The following SCNN1A variants were observed in gnomAD, a reference collection of about 807,000 sequenced individuals.
SCNN1A encodes sodium channel epithelial 1 subunit alpha.
A neutral mutation model predicts 68.6 loss-of-function variants in SCNN1A; 65 were observed. That is an observed-to-expected ratio of 0.95 (90% CI 0.78 to 1.16). SCNN1A has a LOEUF of 1.16. SCNN1A is among the 50% of genes most tolerant of loss of function. SCNN1A has a pLI of 0.00. For missense variants in SCNN1A, 880 were observed against 865.9 expected, an observed-to-expected ratio of 1.02 and a Z score of -0.20; for synonymous variants, 357 against 353.3, an observed-to-expected ratio of 1.01 and a Z score of -0.12.
At chr12:6,348,370 C>A in intron 12 of SCNN1A, 117 bp from the exon 13 acceptor site, 1 of 1,549,520 alleles carries the variant, frequency 6.5e-7, no homozygotes, top group Non-Finnish European at 8.7e-7. Context: ...ACCCCCGAGT[C>A]CTCTCAGCCT....
chr12:6,348,944 A>T lies in SCNN1A; in HGVS notation c.1553+6T>A, dbSNP rs1312253474. The T allele has an allele frequency of 6.2e-7, 1 of 1,613,888 alleles. No homozygotes were observed. Among genetic ancestry groups the T allele is most frequent in the South Asian group, 1.1e-5 (1 of 91,074 alleles). ...TTCTTGTGGCTGGGACCAGGGCAGG[A>T]CTGACCTCTTGTTGTTGACGGTGTA... On this transcript the variant is annotated splice_donor_region_variant and intron_variant, in intron 11 of 12. Transcript: ENST00000228916.
chr12:6,361,956 A>G, intron 4 of SCNN1A, 95 bp downstream of exon 4: 1 of 1,390,580 alleles, frequency 7.2e-7, no homozygotes, highest in South Asian at 1.2e-5. Flanking sequence ...TTTTTAGTCA[A>G]CAAGCATTTC....
chr12:6,353,458 T>A (rs1252772293), intron 8 of SCNN1A, among the ~76,000 whole-genome samples: 2 of 152,114 alleles, frequency 1.3e-5, no homozygotes, highest in African/African-American at 4.8e-5. Context: ...CCCTGGGCAC[T>A]GAGCAGGGAA....
chr12:6,374,956 C>T lies in SCNN1A; in HGVS notation c.-54-119G>A, dbSNP rs762536459. The T allele has an allele frequency of 5.1e-6, 8 of 1,571,656 alleles. No homozygotes were observed. The highest frequency in any genetic ancestry group is 6.9e-6 in the Non-Finnish European group (8 of 1,157,928). ...CCGAGTGAGGCTGCCCCTGGCCATG[C>T]CCATGTCCCACCCTGCGCCCACATT... On this transcript the variant is annotated intron_variant, in intron 1 of 12. Coordinates refer to ENST00000228916, the MANE Select transcript of SCNN1A (RefSeq NM_001038.6). The surrounding 1 kb of genome is among the most constrained non-coding windows in gnomAD (Gnocchi z 6.2).
intron 1 of SCNN1A, chr12:6,375,218 T>G (rs1248891331): frequency 3.5e-6 from 5 of 1,441,538 alleles, no homozygotes; most frequent in African/African-American, 1.4e-5. Flanking sequence ...CTATCTGCCT[T>G]CTGTTTCTCT....
At chr12:6,367,243 A>C (rs750406033) in intron 2 of SCNN1A, among the ~76,000 whole-genome samples, 1 of 152,232 alleles carries the variant, frequency 6.6e-6, no homozygotes, top group African/African-American at 2.4e-5. Flanking sequence ...GTCTTAAAAA[A>C]ATAAAAAAGA....
chr12:6,370,353 C>T (rs1017624959), intron 2 of SCNN1A, among the ~76,000 whole-genome samples: 35 of 152,218 alleles, frequency 2.3e-4, no homozygotes. Flanking sequence ...GCAGCAAAAT[C>T]TCCTTTCCCT....
chr12:6,363,651 A>G lies in SCNN1A; in HGVS notation c.476T>C (p.Phe159Ser). The change falls in exon 3 of 13, where the codon TTT (phenylalanine) becomes TCT (serine). Residue 159 changes from phenylalanine to serine, a missense_variant. Physicochemically the swap from Phe to Ser is radical, Grantham distance 155 (BLOSUM62 -2). Around this residue, in one of 3 missense-constraint regions of SCNN1A, gnomAD observed 758 missense variants for 721.8 expected, o/e 1.05. Transcript: ENST00000228916. ...GAAGGAGCTGTATTTGTACAGGTCA[A>G]AGAGCGTCTGCTCTGTGATGCGGTC... is the stretch of plus-strand genomic sequence containing the variant. ...ELDRITEQTL[F>S]DLYKYSSFTT... is the part of the protein sequence containing the mutation. The G allele has an allele frequency of 6.2e-7, 1 of 1,611,858 alleles. No homozygotes were observed. The highest frequency in any genetic ancestry group is 8.5e-7 in the Non-Finnish European group (1 of 1,178,812).
At chr12:6,371,170 T>C (rs2136905034) in intron 2 of SCNN1A, among the ~76,000 whole-genome samples, 1 of 152,214 alleles carries the variant, frequency 6.6e-6, no homozygotes. Flanking sequence ...TAGGCAGCCC[T>C]GGGCAGCTCT....
chr12:6,355,272 C>A lies in SCNN1A; in HGVS notation c.1143G>T (p.Lys381Asn). 1 of 1,612,386 alleles carries A rather than the reference C, an allele frequency of 6.2e-7. No individual in the cohort carries two copies. The highest frequency in any genetic ancestry group is 8.5e-7 in the Non-Finnish European group (1 of 1,179,258). Residue 381 changes from lysine to asparagine, a missense_variant and splice_region_variant, in exon 6 of 13, where the codon AAG becomes AAT. By Grantham distance (94) the Lys-to-Asn change is moderately conservative. Coordinates refer to ENST00000228916, the MANE Select transcript of SCNN1A (RefSeq NM_001038.6). ...PGVETSISMR[K>N]ETLDRLGGDY... ...CAGGCCTCCCAGTCAGCATCCTTGC[C>A]TTCCTCATGCTGATGGAGGTCTCCA... is the stretch of plus-strand genomic sequence containing the variant.
At chr12:6,356,446 GA>G in intron 4 of SCNN1A, 1 of 171,078 alleles carries the variant, frequency 5.8e-6, no homozygotes, top group Admixed American at 5.5e-5. Flanking sequence ...AGGAATGAAT[GA>G]ATGAATGAAT....
At position 6,348,862 on chromosome 12, in the gene SCNN1A, T is replaced by G. The variant is rs1948315601; in HGVS notation, c.1554-60A>C. On this transcript the variant is annotated intron_variant, in intron 11 of 12. Transcript: ENST00000228916. Reference sequence around the variant, plus strand: ...AGAGGATGAATTTCCTGGACCTTCCTCTAATCAACCATATCGATCCCTCTT... The same window carrying G: ...AGAGGATGAATTTCCTGGACCTTCCGCTAATCAACCATATCGATCCCTCTT... 1.6e-5 allele frequency: 25 copies of G among 1,603,420 alleles called. No individual in the cohort carries two copies. The South Asian group carries it at 2.5e-4, about 16-fold the overall frequency.
At chr12:6,354,417 G>A (rs772024224) in intron 8 of SCNN1A, 21 bp downstream of exon 8, 3 of 1,536,002 alleles carry the variant, frequency 2.0e-6, no homozygotes, top group African/African-American at 1.4e-5. Context: ...GGGGCAGGGT[G>A]GGGGCTCCCT....
chr12:6,371,834 C>G (rs1193930445), intron 2 of SCNN1A, among the ~76,000 whole-genome samples: 3 of 152,112 alleles, frequency 2.0e-5, no homozygotes, highest in East Asian at 3.8e-4. Context: ...CTGTGTCTCA[C>G]TCTGTGGCTC....
At chr12:6,353,735 G>T (rs1351551256) in intron 8 of SCNN1A, 1 of 105,606 alleles carries the variant, frequency 9.5e-6, no homozygotes, top group African/African-American at 5.4e-5. Context: ...GACTACAGGC[G>T]CCCGCCACCT....
intron 2 of SCNN1A, among the ~76,000 whole-genome samples, chr12:6,365,475 C>A (rs1196695272): frequency 6.6e-6 from 1 of 152,242 alleles, no homozygotes; most frequent in South Asian, 2.1e-4. Context: ...CCACAGTAAT[C>A]AAAACAATGC....
At chr12:6,369,558 C>T (rs1195195330) in intron 2 of SCNN1A, among the ~76,000 whole-genome samples, 2 of 152,156 alleles carry the variant, frequency 1.3e-5, no homozygotes, top group South Asian at 2.1e-4. Flanking sequence ...AATGGCCGGG[C>T]GCGGTGGCTC....
At position 6,347,792 on chromosome 12, in the gene SCNN1A, C is replaced by T; in HGVS notation, c.*81G>A. On this transcript the variant is annotated 3_prime_UTR_variant, in exon 13 of 13. Transcript: ENST00000228916. ...TGGGCGGCTCTGAGAGGAAGCCCTG[C>T]ACATCCTTCAATCTTGCCAGGGCCA... The T allele has an allele frequency of 8.0e-7, 1 of 1,247,968 alleles. No individual in the cohort carries two copies. The highest frequency in any genetic ancestry group is 1.3e-5 in the South Asian group (1 of 78,644). 77.3% of individuals were successfully genotyped at this position (1,247,968 alleles called of 1,614,324 possible).
chr12:6,351,693 G>T lies in SCNN1A; in HGVS notation c.1361-2288C>A, dbSNP rs1948390403. On this transcript the variant is annotated intron_variant, in intron 8 of 12. Coordinates refer to ENST00000228916, the MANE Select transcript of SCNN1A (RefSeq NM_001038.6). The surrounding 1 kb of genome is among the most constrained non-coding windows in gnomAD (Gnocchi z 4.2). ...ATAGAGAGAGAAAGAAAGAATCGTG[G>T]TTGCCCAAGGGCTGGCAGTGGTGGA... 6.6e-6 allele frequency among the ~76,000 whole-genome samples: 1 copy of T among 152,066 alleles called. No individual in the cohort carries two copies. The highest frequency in any genetic ancestry group is 2.4e-5 in the African/African-American group (1 of 41,422).
Sources: allele counts gnomAD v4.1 joint callset (sites outside exome capture counted in the v4.1 genomes callset), GRCh38; gene constraint gnomAD v4.1.1; regional missense constraint gnomAD v4.1.1; non-coding constraint Gnocchi (gnomAD v3.1); transcripts MANE v1.5; gene names NCBI Gene and HGNC (gene_info 2026-07-23, HGNC 2026-07-21).